The following THSD7B variants were observed in gnomAD, a reference collection of about 807,000 sequenced individuals.
The protein encoded by THSD7B is thrombospondin type 1 domain containing 7B.
In THSD7B, 138 loss-of-function variants were observed where a neutral mutation model predicts 213.6. The observed-to-expected ratio is 0.65, with a 90% CI of 0.56 to 0.74. THSD7B has a LOEUF of 0.74. Among genes scored for constraint, THSD7B ranks in the 30% least tolerant of loss-of-function variants. THSD7B has a pLI of 0.00. For synonymous variants in THSD7B, 742 were observed against 687.0 expected, an observed-to-expected ratio of 1.08 and a Z score of -1.25; for missense variants, 1,931 against 1,991.5, an observed-to-expected ratio of 0.97 and a Z score of 0.58.
intron 20 of THSD7B, among the ~76,000 whole-genome samples, chr2:137,639,011 ATT>A (rs55903155): frequency 4.1e-5 from 6 of 147,782 alleles, no homozygotes; most frequent in African/African-American, 9.9e-5. Context: ...AGAAAAAGCC[ATT>A]TTTTTTTTTT....
At chr2:137,316,274 G>C (rs1197974215) in intron 12 of THSD7B, among the ~76,000 whole-genome samples, 1 of 152,202 alleles carries the variant, frequency 6.6e-6, no homozygotes, top group Non-Finnish European at 1.5e-5. Flanking sequence ...CTTGGTGAAG[G>C]TTAAATGACT....
In THSD7B at chr2:136,911,941, G is replaced by A. The variant is rs190484740; in HGVS notation, c.139+29624G>A. Reference sequence around the variant, plus strand: ...CAGATGGATAAATGGATAGATGGATGGATGGATGAATAGCAGGTCTGTGCA... The same window carrying A: ...CAGATGGATAAATGGATAGATGGATAGATGGATGAATAGCAGGTCTGTGCA... On this transcript the variant is annotated intron_variant, in intron 2 of 27. Coordinates refer to ENST00000409968, the MANE Select transcript of THSD7B (RefSeq NM_001316349.2). Among the ~76,000 whole-genome samples the A allele has an allele frequency of 9.2e-5, 14 of 152,280 alleles. No homozygotes were observed. In the East Asian group the frequency reaches 2.5e-3, roughly 27 times the overall value.
intron 15 of THSD7B, among the ~76,000 whole-genome samples, chr2:137,538,901 C>T (rs565862295): frequency 1.3e-5 from 2 of 151,712 alleles, no homozygotes; most frequent in South Asian, 2.1e-4. Context: ...TAGCTCCAAA[C>T]AGCCGAGAAT....
chr2:137,659,771 A>G (rs770517056), intron 25 of THSD7B, 25 bp downstream of exon 25: 3 of 1,574,620 alleles, frequency 1.9e-6, no homozygotes, highest in Middle Eastern at 1.7e-4. Context: ...GGAGTCTTCT[A>G]TAAGTGCATT....
intron 12 of THSD7B, among the ~76,000 whole-genome samples, chr2:137,387,021 A>T (rs1558778824): frequency 1.3e-5 from 2 of 152,236 alleles, no homozygotes; most frequent in Admixed American, 6.5e-5. Context: ...AGAATCAGAT[A>T]ACAGGGGGAA....
intron 10 of THSD7B, among the ~76,000 whole-genome samples, chr2:137,246,470 A>G (rs1046891242): frequency 6.6e-6 from 1 of 152,200 alleles, no homozygotes; most frequent in Non-Finnish European, 1.5e-5. Flanking sequence ...GACCAAGTGC[A>G]CCAGCAGTGA....
At chr2:137,463,599 T>C (rs919147653) in intron 15 of THSD7B, among the ~76,000 whole-genome samples, 18 of 152,038 alleles carry the variant, frequency 1.2e-4, no homozygotes, top group African/African-American at 3.9e-4. Flanking sequence ...AAGAGCTTTA[T>C]TGGCAATATT....
chr2:137,039,130 G>A (rs1686831768), intron 2 of THSD7B, among the ~76,000 whole-genome samples: 1 of 152,180 alleles, frequency 6.6e-6, no homozygotes, highest in Non-Finnish European at 1.5e-5. Flanking sequence ...ATATACATCA[G>A]TGGCACTTCT....
intron 12 of THSD7B, among the ~76,000 whole-genome samples, chr2:137,338,845 C>A (rs925909848): frequency 6.6e-6 from 1 of 151,942 alleles, no homozygotes. Flanking sequence ...AAGACAAAGA[C>A]AAAGGACAGG....
intron 12 of THSD7B, among the ~76,000 whole-genome samples, chr2:137,315,451 G>A (rs907349586): frequency 6.6e-6 from 1 of 152,086 alleles, no homozygotes; most frequent in Non-Finnish European, 1.5e-5. Context: ...GATGGAAATG[G>A]AGAAATCACC....
intron 1 of THSD7B, among the ~76,000 whole-genome samples, chr2:136,820,656 T>C (rs540811669): frequency 1.7e-4 from 26 of 152,302 alleles, no homozygotes; most frequent in African/African-American, 5.8e-4. Flanking sequence ...AAGGTCATTA[T>C]TGGGATAACT....
intron 3 of THSD7B, among the ~76,000 whole-genome samples, chr2:137,075,626 T>C (rs1321093804): frequency 2.0e-5 from 3 of 152,228 alleles, no homozygotes; most frequent in Admixed American, 2.0e-4. Context: ...CTGTTGGTGG[T>C]GAGGAGCTGC....
chr2:136,989,078 T>C (rs1411314725), intron 2 of THSD7B, among the ~76,000 whole-genome samples: 1 of 152,178 alleles, frequency 6.6e-6, no homozygotes, highest in Admixed American at 6.5e-5. Flanking sequence ...GGAGAAAATC[T>C]CTAGGAGCAG....
intron 21 of THSD7B, among the ~76,000 whole-genome samples, chr2:137,653,203 GC>G (rs1367598608): frequency 1.3e-5 from 2 of 152,100 alleles, no homozygotes; most frequent in Non-Finnish European, 2.9e-5. Flanking sequence ...GATACAGTAT[GC>G]TTGGGCAGTG....
At chr2:137,290,453 A>G (rs1056984688) in intron 12 of THSD7B, among the ~76,000 whole-genome samples, 1 of 151,838 alleles carries the variant, frequency 6.6e-6, no homozygotes, top group African/African-American at 2.4e-5. Flanking sequence ...CCCGATGCTT[A>G]CTCTGTCTCT....
At chr2:136,863,097 T>C (rs550771644) in intron 1 of THSD7B, among the ~76,000 whole-genome samples, 1 of 152,334 alleles carries the variant, frequency 6.6e-6, no homozygotes, top group South Asian at 2.1e-4. Context: ...TTCAAAGTCT[T>C]CTTGAAGTCA....
chr2:137,199,750 G>A (rs955403553), intron 7 of THSD7B, among the ~76,000 whole-genome samples: 5 of 152,126 alleles, frequency 3.3e-5, no homozygotes, highest in African/African-American at 1.2e-4. Context: ...ATTATTAAAA[G>A]TTATTGTGTA....
At chr2:137,547,918 A>G (rs1362883695) in intron 15 of THSD7B, among the ~76,000 whole-genome samples, 2 of 151,918 alleles carry the variant, frequency 1.3e-5, no homozygotes, top group Non-Finnish European at 1.5e-5. Flanking sequence ...CTTACCAGTT[A>G]TGGGCTTTCC....
intron 3 of THSD7B, among the ~76,000 whole-genome samples, chr2:137,059,310 G>A (rs933800762): frequency 2.6e-5 from 4 of 152,122 alleles, no homozygotes; most frequent in Non-Finnish European, 4.4e-5. Flanking sequence ...TTTGAATTTT[G>A]GAGGAACACA....
Sources: allele counts gnomAD v4.1 joint callset (sites outside exome capture counted in the v4.1 genomes callset), GRCh38; gene constraint gnomAD v4.1.1; transcripts MANE v1.5; gene names NCBI Gene and HGNC (gene_info 2026-07-23, HGNC 2026-07-21).